The following ESR1 variants were observed in gnomAD, a reference collection of about 807,000 sequenced individuals.
The protein encoded by ESR1 is estrogen receptor.
ESR1 carries 12 observed loss-of-function variants against 52.7 expected under a neutral mutation model. That is an observed-to-expected ratio of 0.23 (90% confidence interval 0.15 to 0.37). The LOEUF (loss-of-function observed/expected upper bound fraction) is 0.37. ESR1 is among the 10% of genes least tolerant of loss of function. The probability of loss-of-function intolerance (pLI) is 1.00; values close to 1 mark genes in which losing one functional copy is unlikely to be tolerated. For missense variants in ESR1, 584 were observed against 779.7 expected (o/e 0.75, Z 2.99); for synonymous variants, 305 against 316.8 (o/e 0.96, Z 0.39).
rs9340808 is a variant in ESR1, at chr6:151,843,160, G to A, written c.643+373G>A. ...GTAGGCAACTTTGCCTATATGATCT[G>A]GTATATGCTGTTAATTGTCCATGCA... On this transcript the variant is annotated intron_variant, in intron 2 of 7. Transcript: ENST00000206249. 6.9e-3 allele frequency among the ~76,000 whole-genome samples: 1,057 copies of A among 152,220 alleles called. 10 individuals are homozygous for A. Among genetic ancestry groups the A allele is most frequent in the African/African-American group, 0.024 (1,007 of 41,516 alleles).
intron 6 of ESR1, chr6:152,122,345 A>C: frequency 1.2e-6 from 2 of 1,608,584 alleles, no homozygotes; most frequent in Non-Finnish European, 8.5e-7. Context: ...GCTTTCGCCA[A>C]GATCAAGGTC....
intron 4 of ESR1, among the ~76,000 whole-genome samples, chr6:151,974,545 C>T (rs887167371): frequency 1.2e-4 from 18 of 152,156 alleles, no homozygotes; most frequent in Non-Finnish European, 2.2e-4. Context: ...ATTTCAACTC[C>T]GTTCCATGCC....
intron 1 of ESR1, among the ~76,000 whole-genome samples, chr6:151,839,599 A>G (rs1384330858): frequency 6.6e-6 from 1 of 152,218 alleles, no homozygotes; most frequent in East Asian, 1.9e-4. Flanking sequence ...CCAGATGTCT[A>G]TAGATGGATG....
intron 6 of ESR1, among the ~76,000 whole-genome samples, chr6:152,110,601 A>T (rs1289964813): frequency 1.3e-5 from 2 of 152,146 alleles, no homozygotes; most frequent in African/African-American, 4.8e-5. Context: ...CTGCGCGACA[A>T]AATAATCGGT....
chr6:152,098,401 A>C lies in ESR1; in HGVS notation c.1554-331A>C, dbSNP rs2050800535. ...TTTGAATGCATTTAGGTCCTATTGG[A>C]GGGGAATAGGATCTCATTTGAGGCC... On this transcript the variant is annotated intron_variant, in intron 7 of 7. Coordinates refer to ENST00000206249, the MANE Select transcript of ESR1 (RefSeq NM_000125.4). The surrounding 1 kb of genome is among the most constrained non-coding windows in gnomAD (Gnocchi z 5.1). 6.6e-6 allele frequency among the ~76,000 whole-genome samples: 1 copy of C among 151,924 alleles called. No individual in the cohort carries two copies. The highest frequency in any genetic ancestry group is 6.6e-5 in the Admixed American group (1 of 15,264).
intron 2 of ESR1, among the ~76,000 whole-genome samples, chr6:151,765,710 G>A (rs1304563439): frequency 2.6e-5 from 4 of 152,146 alleles, no homozygotes; most frequent in Non-Finnish European, 4.4e-5. Context: ...CATAGAAAGA[G>A]TCTGAATTAT....
intron 2 of ESR1, among the ~76,000 whole-genome samples, chr6:151,870,354 T>C (rs1449977055): frequency 6.6e-6 from 1 of 152,198 alleles, no homozygotes; most frequent in Non-Finnish European, 1.5e-5. Context: ...GGAAATAGTT[T>C]TATTACTGCT....
intron 5 of ESR1, among the ~76,000 whole-genome samples, chr6:152,030,240 A>G (rs1472912570): frequency 6.6e-6 from 1 of 152,186 alleles, no homozygotes; most frequent in Non-Finnish European, 1.5e-5. Flanking sequence ...TAACAAGCAA[A>G]ATAAGCAGCT....
At chr6:152,122,085 G>A (rs1345713145) in intron 6 of ESR1, 7 of 357,790 alleles carry the variant, frequency 2.0e-5, no homozygotes, top group Non-Finnish European at 3.2e-5. Flanking sequence ...CCATGGGAAA[G>A]CTGCCCAGAT....
chr6:151,977,963 G>GAAAAAAAAAAAAAAAAAAAAAAA (rs5880951), intron 4 of ESR1, among the ~76,000 whole-genome samples: 7 of 118,358 alleles, frequency 5.9e-5, no homozygotes, highest in South Asian at 2.7e-4. Flanking sequence ...AAAAAAAAAA[G>GAAAAAAAAAAAAAAAAAAAAAAA]AAAAAAAAAA....
chr6:152,048,434 A>C (rs962239623), intron 5 of ESR1, among the ~76,000 whole-genome samples: 2 of 151,396 alleles, frequency 1.3e-5, no homozygotes, highest in African/African-American at 4.8e-5. Flanking sequence ...CCCTCATTTA[A>C]GTTGCACCGC....
At chr6:152,121,399 C>G (rs1363471958) in intron 6 of ESR1, among the ~76,000 whole-genome samples, 1 of 152,052 alleles carries the variant, frequency 6.6e-6, no homozygotes, top group Non-Finnish European at 1.5e-5. Flanking sequence ...TCCTAGGAAG[C>G]CTCTCCCATG....
At chr6:151,939,032 T>G (rs552639515) in intron 3 of ESR1, among the ~76,000 whole-genome samples, 5 of 152,200 alleles carry the variant, frequency 3.3e-5, no homozygotes, top group Non-Finnish European at 7.3e-5. Flanking sequence ...TTACATAACT[T>G]GAGCTATAAT....
intron 6 of ESR1, among the ~76,000 whole-genome samples, chr6:152,087,347 C>A (rs1429900436): frequency 6.6e-6 from 1 of 152,158 alleles, no homozygotes. Context: ...ATTCCTCTGT[C>A]TTTATTCCTC....
Position 151,957,261 on chromosome 6 carries a change from C to A in ESR1, c.1096+12753C>A, listed in dbSNP as rs147249299. ...CCCCTAGTAAGTGTTCAAAAATATT[C>A]GCTATTATCATTGTTGGTGATTTCG... is the stretch of plus-strand genomic sequence containing the variant. On this transcript the variant is annotated intron_variant, in intron 4 of 7. Coordinates refer to ENST00000206249, the MANE Select transcript of ESR1 (RefSeq NM_000125.4). 5.5e-3 allele frequency among the ~76,000 whole-genome samples: 835 copies of A among 152,110 alleles called. 9 individuals are homozygous for A. Among genetic ancestry groups the A allele is most frequent in the African/African-American group, 0.019 (769 of 41,490 alleles).
At chr6:151,955,964 A>G (rs1484059146) in intron 4 of ESR1, among the ~76,000 whole-genome samples, 1 of 152,120 alleles carries the variant, frequency 6.6e-6, no homozygotes, top group Non-Finnish European at 1.5e-5. Context: ...ATAAGTGAGA[A>G]TATGCATTAT....
chr6:151,883,492 C>G (rs1793312699), intron 3 of ESR1, among the ~76,000 whole-genome samples: 1 of 151,902 alleles, frequency 6.6e-6, no homozygotes, highest in South Asian at 2.1e-4. Context: ...ATGGCCTTTC[C>G]TCTGCGTCCG....
intron 5 of ESR1, among the ~76,000 whole-genome samples, chr6:152,029,045 C>T (rs981510961): frequency 1.3e-5 from 2 of 152,200 alleles, no homozygotes; most frequent in Non-Finnish European, 2.9e-5. Context: ...TGGAGTGGAC[C>T]TCCAGCAAAC....
At chr6:152,027,488 C>A (rs984042486) in intron 5 of ESR1, among the ~76,000 whole-genome samples, 5 of 151,826 alleles carry the variant, frequency 3.3e-5, no homozygotes, top group African/African-American at 1.2e-4. Context: ...ACTCTTTTTT[C>A]TTTGGTTTAA....
Sources: gnomAD v4.1 joint callset for allele counts (sites outside exome capture counted in the v4.1 genomes callset) on GRCh38, gnomAD v4.1.1 for gene constraint, Gnocchi (gnomAD v3.1) non-coding constraint, MANE v1.5 for transcripts, NCBI Gene and HGNC (gene_info 2026-07-23, HGNC 2026-07-21) for gene names.